Variants in HEYL observed in about 807,000 individuals in gnomAD.
The protein encoded by HEYL is hes related family bHLH transcription factor with YRPW motif like, also known as hairy/enhancer-of-split related with YRPW motif-like protein.
HEYL carries 12 observed loss-of-function variants against 18.6 expected under a neutral mutation model. The observed-to-expected ratio is 0.65, with a 90% confidence interval of 0.41 to 1.05. The LOEUF (loss-of-function observed/expected upper bound fraction) is 1.05, where lower values mean the gene tolerates loss of function less well. Ranked by LOEUF, HEYL falls within the 50% of genes least tolerant of loss-of-function variation. The pLI is 0.00. For synonymous variants in HEYL, 159 were observed against 179.6 expected (o/e 0.89, Z 0.91); for missense variants, 420 against 444.7 (o/e 0.94, Z 0.50).
In HEYL at chr1:39,626,357, T is replaced by G; in HGVS notation, c.*150A>C. 3 of 634,838 alleles carry G rather than the reference T, an allele frequency of 4.7e-6. No homozygotes were observed. Among genetic ancestry groups the G allele is most frequent in the East Asian group, 3.0e-5 (1 of 33,000 alleles). The allele number at this position is 634,838 out of a possible 1,614,324, so 39.3% of individuals were successfully genotyped here. A position where few individuals can be genotyped will look rare whatever the true frequency, so the allele number is the denominator to read the frequency against. On this transcript the variant is annotated 3_prime_UTR_variant, in exon 5 of 5. Transcript: ENST00000372852. ...GATAACAGTGAGAAGGAGAGATGGG[T>G]TGGAGGAGGAGGGGGCCTCTGATGG...
chr1:39,626,301 C>T lies in HEYL; in HGVS notation c.*206G>A, dbSNP rs1015081753. ...TGGAACCAAGCCTCTGAGACCAGAACAGCTCCAGGAGAGCTGGGTGGATAA... is the reference window on the plus strand; with the variant it reads ...TGGAACCAAGCCTCTGAGACCAGAATAGCTCCAGGAGAGCTGGGTGGATAA... On this transcript the variant is annotated 3_prime_UTR_variant, in exon 5 of 5. Transcript: ENST00000372852. 1.4e-5 allele frequency: 8 copies of T among 559,876 alleles called. No homozygotes were observed. The highest frequency in any genetic ancestry group is 2.5e-5 in the Non-Finnish European group (8 of 322,964). The allele number at this position is 559,876 out of a possible 1,614,324, so 34.7% of individuals were successfully genotyped here.
rs1646279686 is a variant in HEYL, at chr1:39,623,679, G to A, written c.*2828C>T. 6.6e-6 allele frequency among the ~76,000 whole-genome samples: 1 copy of A among 152,224 alleles called. No homozygotes were observed. Among genetic ancestry groups the A allele is most frequent in the African/African-American group, 2.4e-5 (1 of 41,464 alleles). Reference sequence around the variant, plus strand: ...TCCACAAGTAAAGTAGTCGAGGAAGGCCTCTTGGACGAGGCAACGTTGAAG... The same window carrying A: ...TCCACAAGTAAAGTAGTCGAGGAAGACCTCTTGGACGAGGCAACGTTGAAG... On this transcript the variant is annotated 3_prime_UTR_variant, in exon 5 of 5. Transcript: ENST00000372852.
chr1:39,632,780 C>T (rs1646341474), intron 1 of HEYL, 65 bp from the exon 2 acceptor site: 2 of 1,596,626 alleles, frequency 1.3e-6, no homozygotes, highest in Non-Finnish European at 1.7e-6. Flanking sequence ...CTGGGCCGAC[C>T]TCGGGCCAGG....
At chr1:39,636,556 G>A (rs983322142) in intron 1 of HEYL, among the ~76,000 whole-genome samples, 3 of 152,068 alleles carry the variant, frequency 2.0e-5, no homozygotes, top group East Asian at 1.9e-4. Flanking sequence ...GTGAGCCACC[G>A]TGCCCGGCCT....
At chr1:39,632,954 C>G in intron 1 of HEYL, 1 of 984,402 alleles carries the variant, frequency 1.0e-6, no homozygotes, top group Non-Finnish European at 1.2e-6. Flanking sequence ...CGCTCCTCGC[C>G]CCTCGCGGCG....
intron 1 of HEYL, among the ~76,000 whole-genome samples, chr1:39,634,531 T>TAG (rs1646352518): frequency 6.6e-6 from 1 of 152,334 alleles, no homozygotes; most frequent in East Asian, 1.9e-4. Flanking sequence ...TTGCATGCAC[T>TAG]GTCCCCTAGC....
rs1646301288 is a variant in HEYL at position 39,626,803 on chromosome 1, G to A, written c.691C>T (p.Pro231Ser). 3.2e-6 allele frequency: 5 copies of A among 1,561,562 alleles called. No individual in the cohort carries two copies. In the South Asian group the frequency reaches 3.5e-5, roughly 11 times the overall value. Reference sequence around the variant, plus strand: ...CTGGGCAGCACATTCCTCCGGGCTGGCAGGATGATGCCTGTGGCTCTGCGA... The same window carrying A: ...CTGGGCAGCACATTCCTCCGGGCTGACAGGATGATGCCTGTGGCTCTGCGA... ...PLRRATGIIL[P>S]ARRNVLPSRG... The change falls in exon 5 of 5, where the codon CCA (proline) becomes TCA (serine). Residue 231 changes from proline (P) to serine (S), a missense_variant. Pro to Ser is a moderately conservative substitution (Grantham distance 74, BLOSUM62 -1). Coordinates refer to ENST00000372852, the MANE Select transcript of HEYL (RefSeq NM_014571.4).
chr1:39,627,869 T>C (rs1317762954), intron 4 of HEYL, among the ~76,000 whole-genome samples: 1 of 152,250 alleles, frequency 6.6e-6, no homozygotes, highest in Non-Finnish European at 1.5e-5. Context: ...ATCACTTATA[T>C]TACTGGCTTG....
chr1:39,637,222 T>C (rs1646365952), intron 1 of HEYL, among the ~76,000 whole-genome samples: 2 of 152,182 alleles, frequency 1.3e-5, no homozygotes, highest in Admixed American at 6.5e-5. Context: ...TCCTGCGTCA[T>C]GGGGCCAGGT....
In HEYL at chr1:39,627,106, T is replaced by C. The variant is rs747884899; in HGVS notation, c.388A>G (p.Arg130Gly). ...GGCCCTTCAAGGACCCCCAGGTACC[T>C]GATGACCTCAGTGAGGCACTCCCGA... is the stretch of plus-strand genomic sequence containing the variant. ...GFRECLTEVI[R>G]YLGVLEGPSS... The change falls in exon 5 of 5, where the codon AGG (arginine) becomes GGG (glycine). Residue 130 changes from arginine to glycine, a missense_variant. Arg to Gly is a moderately radical substitution (Grantham distance 125). Coordinates refer to ENST00000372852, the MANE Select transcript of HEYL (RefSeq NM_014571.4). The C allele has an allele frequency of 3.1e-6, 5 of 1,614,140 alleles. No homozygotes were observed. The South Asian group carries it at 5.5e-5, about 18-fold the overall frequency.
Position 39,627,148 on chromosome 1 carries a change from A to T in HEYL, c.346T>A (p.Phe116Ile). Residue 116 changes from phenylalanine (F) to isoleucine (I), a missense_variant, in exon 5 of 5, where the codon TTC (phenylalanine) becomes ATC (isoleucine). Physicochemically the swap from Phe to Ile is conservative, Grantham distance 21 (BLOSUM62 0). Coordinates refer to ENST00000372852, the MANE Select transcript of HEYL (RefSeq NM_014571.4). ...FFDARALAVD[F>I]RSIGFRECLT... ...CACTCCCGAAAACCAATGCTCCGGA[A>T]GTCAACTGCCAGGGCTCGGGCATCA... The T allele has an allele frequency of 6.2e-7, 1 of 1,613,364 alleles. No homozygotes were observed. Among genetic ancestry groups the T allele is most frequent in the Non-Finnish European group, 8.5e-7 (1 of 1,179,392 alleles).
rs1432445115 is a variant in HEYL at position 39,624,022 on chromosome 1, C to A, written c.*2485G>T. 6.6e-6 allele frequency: 1 copy of A among 152,282 alleles called. No homozygotes were observed. Among genetic ancestry groups the A allele is most frequent in the Non-Finnish European group, 1.5e-5 (1 of 68,088 alleles). 9.4% of individuals were successfully genotyped at this position (152,282 alleles called of 1,614,324 possible). A position where few individuals can be genotyped will look rare whatever the true frequency, so the allele number is the denominator to read the frequency against. On this transcript the variant is annotated 3_prime_UTR_variant, in exon 5 of 5. Transcript: ENST00000372852. ...TGCTACTGAGAACTGATTGACAAAGCAAGAGGGAAGACCTTTCTGAGGCCA... is the reference window on the plus strand; with the variant it reads ...TGCTACTGAGAACTGATTGACAAAGAAAGAGGGAAGACCTTTCTGAGGCCA...
intron 2 of HEYL, 148 bp downstream of exon 2, chr1:39,632,501 C>A: frequency 2.7e-6 from 2 of 743,740 alleles, no homozygotes; most frequent in Non-Finnish European, 4.5e-6. Flanking sequence ...CTGGAATCAC[C>A]CTGATAGCTA....
chr1:39,626,726 G>C lies in HEYL; in HGVS notation c.768C>G (p.Thr256=). Residue 256 remains threonine (T), a synonymous_variant, in exon 5 of 5, where the codon ACC becomes ACG. Transcript: ENST00000372852. ...TGCTGCTGGGGGCGACAGGCACAGGGGTCGCTGGCCTCTCTAGGGGGCGGG... is the reference window on the plus strand; with the variant it reads ...TGCTGCTGGGGGCGACAGGCACAGGCGTCGCTGGCCTCTCTAGGGGGCGGG... ...RRARPLERPA[T]PVPVAPSSRA... 1 of 1,511,190 alleles carries C rather than the reference G, an allele frequency of 6.6e-7. No homozygotes were observed. 93.6% of individuals were successfully genotyped at this position (1,511,190 alleles called of 1,614,324 possible). A position where few individuals can be genotyped will look rare whatever the true frequency, so the allele number is the denominator to read the frequency against.
chr1:39,633,027 GC>G (rs1646343640), intron 1 of HEYL: 2 of 966,784 alleles, frequency 2.1e-6, no homozygotes, highest in African/African-American at 3.5e-5. Context: ...ATCCCCGGGG[GC>G]GGGGCGGGCG....
intron 2 of HEYL, 23 bp from the exon 3 acceptor site, chr1:39,631,602 T>A (rs1433459847): frequency 3.1e-6 from 5 of 1,600,978 alleles, no homozygotes; most frequent in African/African-American, 1.3e-5. Context: ...GACAAGAAGT[T>A]ACTCACAGGT....
intron 1 of HEYL, chr1:39,633,968 T>C (rs1646349969): frequency 6.6e-6 from 1 of 152,370 alleles, no homozygotes; most frequent in Non-Finnish European, 1.5e-5. Context: ...CAAGAGCTTC[T>C]TGTTGGGTCC....
chr1:39,629,817 C>T (rs1646322408), intron 4 of HEYL, among the ~76,000 whole-genome samples: 1 of 152,232 alleles, frequency 6.6e-6, no homozygotes, highest in African/African-American at 2.4e-5. Flanking sequence ...CCAAGGACCC[C>T]ACAGTAGCCC....
In HEYL at chr1:39,639,632, C is replaced by G. The variant is rs1168244961; in HGVS notation, c.-7G>C. ...GCTCCTTGGGTCGCTTCATGGCGAA[C>G]GCAGGCTGCCTGGTCTCAGCCCCGC... On this transcript the variant is annotated 5_prime_UTR_variant, in exon 1 of 5. Coordinates refer to ENST00000372852, the MANE Select transcript of HEYL (RefSeq NM_014571.4). 2.6e-6 allele frequency: 4 copies of G among 1,548,100 alleles called. No homozygotes were observed. The highest frequency in any genetic ancestry group is 3.5e-6 in the Non-Finnish European group (4 of 1,153,742).
Sources: allele counts gnomAD v4.1 joint callset (sites outside exome capture counted in the v4.1 genomes callset), GRCh38; gene constraint gnomAD v4.1.1; transcripts MANE v1.5; gene names NCBI Gene and HGNC (gene_info 2026-07-23, HGNC 2026-07-21).